ZNF560: variants seen among roughly 807,000 people sequenced by gnomAD.
ZNF560 encodes the protein zinc finger protein 560.
ZNF560 carries 54 observed loss-of-function variants against 81.8 expected under a neutral mutation model. The observed-to-expected ratio is 0.66, with a 90% CI of 0.53 to 0.83. The LOEUF (loss-of-function observed/expected upper bound fraction) is 0.83. Ranked by LOEUF, ZNF560 falls within the 40% of genes least tolerant of loss-of-function variation. The pLI, the probability that ZNF560 is intolerant of heterozygous loss-of-function variation, is 0.00. For missense variants in ZNF560, 940 were observed against 932.4 expected (o/e 1.01, Z -0.11); for synonymous variants, 321 against 317.9 (o/e 1.01, Z -0.10).
intron 2 of ZNF560, among the ~76,000 whole-genome samples, chr19:9,483,888 T>C (rs1265549131): frequency 6.7e-6 from 1 of 149,798 alleles, no homozygotes; most frequent in African/African-American, 2.5e-5. Context: ...GAAATCAGAT[T>C]GTTGCTGTGT....
chr19:9,501,779 C>A (rs540046727), upstream of ZNF560, among the ~76,000 whole-genome samples: 5 of 152,216 alleles, frequency 3.3e-5, no homozygotes, highest in African/African-American at 1.2e-4. Context: ...GGATTACAGG[C>A]ATGAGCCACC....
In ZNF560 at chr19:9,483,228, G is replaced by A. The variant is rs990141643; in HGVS notation, c.-56-7859C>T. Among the ~76,000 whole-genome samples, 3 of 152,010 alleles carry A rather than the reference G, an allele frequency of 2.0e-5. No individual in the cohort carries two copies. In the East Asian group the frequency reaches 5.8e-4, roughly 30 times the overall value. On this transcript the variant is annotated intron_variant, in intron 2 of 9. Transcript: ENST00000301480. ...CGTCTAGGAAGAGAGGAGCGTCTCT[G>A]CCCGGCTGCCCACCATCTGAGATGT...
chr19:9,481,159 CAAG>C (rs972457983), intron 2 of ZNF560, among the ~76,000 whole-genome samples: 9 of 149,022 alleles, frequency 6.0e-5, no homozygotes, highest in African/African-American at 2.0e-4. Flanking sequence ...CAGACAAAAA[CAAG>C]AAATGGGAAA....
chr19:9,482,034 T>C (rs151052325), intron 2 of ZNF560, among the ~76,000 whole-genome samples: 2,593 of 152,240 alleles, frequency 0.017, 76 homozygotes, highest in African/African-American at 0.06. Flanking sequence ...CAAATGTCAA[T>C]CAATGATAGA....
At chr19:9,480,687 T>C (rs28872506) in intron 2 of ZNF560, among the ~76,000 whole-genome samples, 22,854 of 150,116 alleles carry the variant, frequency 0.15, 2,565 homozygotes, top group African/African-American at 0.31. Context: ...CAACTGTAAT[T>C]GCAGCACTTT....
upstream of ZNF560, among the ~76,000 whole-genome samples, chr19:9,501,655 C>G (rs1007453631): frequency 2.0e-4 from 30 of 151,852 alleles, no homozygotes; most frequent in African/African-American, 7.2e-4. Context: ...GCCACCACAC[C>G]TGGCTAATTT....
At chr19:9,493,413 G>A (rs2073503522) in intron 2 of ZNF560, among the ~76,000 whole-genome samples, 1 of 152,236 alleles carries the variant, frequency 6.6e-6, no homozygotes, top group South Asian at 2.1e-4. Flanking sequence ...TGCCCAGGCA[G>A]GAGTGCAGTT....
chr19:9,496,290 G>A (rs1446158073), intron 2 of ZNF560, among the ~76,000 whole-genome samples: 1 of 151,956 alleles, frequency 6.6e-6, no homozygotes, highest in African/African-American at 2.4e-5. Context: ...AGGCTGCAGT[G>A]AGCTAGGATC....
the ZNF560 span, among the ~76,000 whole-genome samples, chr19:9,506,622 T>A: frequency 6.6e-6 from 1 of 152,190 alleles, no homozygotes; most frequent in Non-Finnish European, 1.5e-5. Flanking sequence ...CTGTCTAGCA[T>A]CCTTTTATTC....
intron 2 of ZNF560, among the ~76,000 whole-genome samples, chr19:9,495,139 C>T (rs62103949): frequency 3.3e-5 from 5 of 151,320 alleles, no homozygotes; most frequent in African/African-American, 1.2e-4. Flanking sequence ...GACTCTATCA[C>T]CAAAAAAAAA....
Position 9,487,698 on chromosome 19 carries a change from A to G in ZNF560, c.-57+10430T>C, listed in dbSNP as rs142438182. 2.5e-3 allele frequency among the ~76,000 whole-genome samples: 387 copies of G among 152,290 alleles called. 2 individuals are homozygous for G. The highest frequency in any genetic ancestry group is 9.1e-3 in the African/African-American group (377 of 41,562). Reference sequence around the variant, plus strand: ...ACTAAAGCAAAAGGCATTAGATTTCATTGGTGCATTTGAATGTTACTAGGT... The same window carrying G: ...ACTAAAGCAAAAGGCATTAGATTTCGTTGGTGCATTTGAATGTTACTAGGT... On this transcript the variant is annotated intron_variant, in intron 2 of 9. Transcript: ENST00000301480.
chr19:9,483,884 A>G (rs916382864), intron 2 of ZNF560, among the ~76,000 whole-genome samples: 1 of 149,912 alleles, frequency 6.7e-6, no homozygotes, highest in African/African-American at 2.5e-5. Context: ...TAGAGAAATC[A>G]GATTGTTGCT....
chr19:9,469,744 G>A (rs543520290), intron 7 of ZNF560, 34 bp from the exon 8 acceptor site: 4 of 1,593,730 alleles, frequency 2.5e-6, no homozygotes, highest in East Asian at 2.2e-5. Flanking sequence ...AATGGAAGAG[G>A]CTCATGCAAG....
upstream of ZNF560, among the ~76,000 whole-genome samples, chr19:9,500,776 C>G (rs2073626819): frequency 6.6e-6 from 1 of 152,042 alleles, no homozygotes; most frequent in African/African-American, 2.4e-5. Flanking sequence ...GGGGTTTCAC[C>G]AGCTTGGCCA....
At chr19:9,505,861 A>G in the ZNF560 span, among the ~76,000 whole-genome samples, 4 of 152,118 alleles carry the variant, frequency 2.6e-5, no homozygotes, top group African/African-American at 9.7e-5. Flanking sequence ...ACAGGGTTTC[A>G]CCATGTTGGC....
upstream of ZNF560, among the ~76,000 whole-genome samples, chr19:9,501,336 TG>T (rs1471324385): frequency 1.9e-5 from 1 of 53,164 alleles, no homozygotes; most frequent in African/African-American, 5.3e-5. Context: ...TTTGTGTGTG[TG>T]TGTGTGTGTG....
the ZNF560 span, among the ~76,000 whole-genome samples, chr19:9,448,393 G>A: frequency 3.3e-5 from 2 of 60,810 alleles, no homozygotes; most frequent in South Asian, 1.1e-3. Flanking sequence ...CACCATGCCT[G>A]GCTTTTTTTT....
chr19:9,485,690 C>T (rs939403465), intron 2 of ZNF560, among the ~76,000 whole-genome samples: 2 of 151,852 alleles, frequency 1.3e-5, no homozygotes, highest in South Asian at 2.1e-4. Flanking sequence ...GGATGACAGG[C>T]GTGCACTGCC....
At chr19:9,481,899 T>C (rs992970145) in intron 2 of ZNF560, among the ~76,000 whole-genome samples, 2 of 152,196 alleles carry the variant, frequency 1.3e-5, no homozygotes, top group African/African-American at 4.8e-5. Context: ...AGAAATACCA[T>C]TTGGCCCAGC....
Sources: gnomAD v4.1 joint callset for allele counts (sites outside exome capture counted in the v4.1 genomes callset) on GRCh38, gnomAD v4.1.1 for gene constraint, MANE v1.5 for transcripts, NCBI Gene and HGNC (gene_info 2026-07-23, HGNC 2026-07-21) for gene names.